The following SRD5A1 variants were observed in gnomAD, a reference collection of about 807,000 sequenced individuals.
The protein encoded by SRD5A1 is steroid 5 alpha-reductase 1.
In SRD5A1, 22 loss-of-function variants were observed where a neutral mutation model predicts 28.2. The observed-to-expected ratio is 0.78, with a 90% CI of 0.56 to 1.12. The LOEUF is 1.12. Ranked by LOEUF, SRD5A1 falls within the 50% of genes most tolerant of loss-of-function variation. The probability of loss-of-function intolerance (pLI) is 0.00; values close to 1 mark genes in which losing one functional copy is unlikely to be tolerated. For missense variants in SRD5A1, 300 were observed against 346.7 expected, an observed-to-expected ratio of 0.87 and a Z score of 1.07; for synonymous variants, 151 against 135.0, an observed-to-expected ratio of 1.12 and a Z score of -0.82.
chr5:6,650,235 C>T (rs1487054627), intron 1 of SRD5A1, among the ~76,000 whole-genome samples: 1 of 151,842 alleles, frequency 6.6e-6, no homozygotes, highest in Non-Finnish European at 1.5e-5. Context: ...TAGAGAGACC[C>T]TGTCTCTACA....
chr5:6,639,170 CT>C (rs1445115304), intron 1 of SRD5A1, among the ~76,000 whole-genome samples: 8 of 152,204 alleles, frequency 5.3e-5, no homozygotes, highest in Non-Finnish European at 1.0e-4. Context: ...AGACATACTT[CT>C]TTAGTTCCCT....
rs1183035154 is a variant in SRD5A1, at chr5:6,665,272, CT to C, written c.713+2308del. 7.9e-5 allele frequency among the ~76,000 whole-genome samples: 12 copies of C among 152,326 alleles called. No individual in the cohort carries two copies. The South Asian group carries it at 2.5e-3, about 32-fold the overall frequency. The stretch of plus-strand genomic sequence containing the variant: ...AGAGGGAGCGTAGCCCTGCTGCCAC[CT>C]TGATTTCCAACTCCTGGCATCCAGA... On this transcript the variant is annotated intron_variant, in intron 4 of 4. Coordinates refer to ENST00000274192, the MANE Select transcript of SRD5A1 (RefSeq NM_001047.4).
At chr5:6,668,130 T>C (rs1235177783) in intron 4 of SRD5A1, 72 bp from the exon 5 acceptor site, 1 of 965,948 alleles carries the variant, frequency 1.0e-6, no homozygotes, top group Non-Finnish European at 1.5e-6. Flanking sequence ...TGAAAAATAT[T>C]GTCACTTTTG....
At position 6,633,801 on chromosome 5, in the gene SRD5A1, C is replaced by T. The variant is rs1435805077; in HGVS notation, c.225C>T (p.Ser75=). ...CGCTCTACCAGTACGCCAGCGAGTC[C>T]GCCCCGCGTCTCCGCAGCGCGCCCA... ...ALPLYQYASE[S]APRLRSAPNC... The change falls in exon 1 of 5, where the codon TCC becomes TCT. Residue 75 remains serine (S), a synonymous_variant. Transcript: ENST00000274192. 2 of 1,597,746 alleles carry T rather than the reference C, an allele frequency of 1.3e-6. No homozygotes were observed. The highest frequency in any genetic ancestry group is 1.7e-6 in the Non-Finnish European group (2 of 1,179,656).
intron 1 of SRD5A1, among the ~76,000 whole-genome samples, chr5:6,635,899 G>A (rs1738169838): frequency 6.6e-6 from 1 of 152,150 alleles, no homozygotes; most frequent in African/African-American, 2.4e-5. Flanking sequence ...TTGAATGATA[G>A]AACTTGAACA....
At chr5:6,634,284 G>A (rs1738103583) in intron 1 of SRD5A1, among the ~76,000 whole-genome samples, 2 of 152,108 alleles carry the variant, frequency 1.3e-5, no homozygotes, top group Admixed American at 1.3e-4. Flanking sequence ...CCGAGATCTC[G>A]CCACTGCCCT....
chr5:6,664,718 A>G (rs953426233), intron 4 of SRD5A1, among the ~76,000 whole-genome samples: 6 of 152,180 alleles, frequency 3.9e-5, no homozygotes, highest in Non-Finnish European at 8.8e-5. Flanking sequence ...TTTGTCTAAT[A>G]CTTGAAGAAG....
chr5:6,663,688 C>T (rs1042596226), intron 4 of SRD5A1, among the ~76,000 whole-genome samples: 4 of 152,002 alleles, frequency 2.6e-5, no homozygotes, highest in African/African-American at 4.8e-5. Flanking sequence ...GGTGAAATCC[C>T]GTCTCTACTA....
intron 3 of SRD5A1, among the ~76,000 whole-genome samples, chr5:6,661,414 A>T (rs936447217): frequency 1.4e-5 from 2 of 145,818 alleles, no homozygotes; most frequent in South Asian, 2.2e-4. Flanking sequence ...AAAAAAAGGT[A>T]GCCAAAAGCC....
chr5:6,662,919 T>C lies in SRD5A1; in HGVS notation c.666T>C (p.Ala222=). 3 of 1,614,178 alleles carry C rather than the reference T, an allele frequency of 1.9e-6. No individual in the cohort carries two copies. Among genetic ancestry groups the C allele is most frequent in the Non-Finnish European group, 2.5e-6 (3 of 1,180,050 alleles). Residue 222 remains alanine, a synonymous_variant, in exon 4 of 5, where the codon GCT becomes GCC. Coordinates refer to ENST00000274192, the MANE Select transcript of SRD5A1 (RefSeq NM_001047.4). ...GGTCTGTCCAAGGCGCGGCTTTTGC[T>C]TTCTTCACGTTTTGTTTTTTATCTG... ...ASWSVQGAAF[A]FFTFCFLSGR... is the part of the protein sequence containing the mutation.
At position 6,662,797 on chromosome 5, in the gene SRD5A1, G is replaced by A. The variant is rs1739048051; in HGVS notation, c.563-19G>A. 1 of 1,609,740 alleles carries A rather than the reference G, an allele frequency of 6.2e-7. No homozygotes were observed. Reference sequence around the variant, plus strand: ...CATTTTGTAGTAAATGCACTACTTTGGTCTGTGTTTTCTTCTAGGAGGCTT... The same window carrying A: ...CATTTTGTAGTAAATGCACTACTTTAGTCTGTGTTTTCTTCTAGGAGGCTT... On this transcript the variant is annotated intron_variant, in intron 3 of 4. Coordinates refer to ENST00000274192, the MANE Select transcript of SRD5A1 (RefSeq NM_001047.4).
chr5:6,651,704 A>G, intron 1 of SRD5A1, 138 bp from the exon 2 acceptor site: 1 of 809,318 alleles, frequency 1.2e-6, no homozygotes. Context: ...CTTAGATATA[A>G]TAAATTAGTA....
chr5:6,639,287 C>T (rs961196710), intron 1 of SRD5A1, among the ~76,000 whole-genome samples: 8 of 152,230 alleles, frequency 5.3e-5, no homozygotes, highest in East Asian at 3.8e-4. Context: ...CTTGCATTTT[C>T]ATCCTCTGGA....
At chr5:6,637,288 A>T (rs1738213956) in intron 1 of SRD5A1, among the ~76,000 whole-genome samples, 1 of 152,006 alleles carries the variant, frequency 6.6e-6, no homozygotes, top group South Asian at 2.1e-4. Flanking sequence ...GCCCCGCTGC[A>T]TTTACCCTGT....
chr5:6,655,940 A>G (rs1178118646), intron 2 of SRD5A1, 138 bp from the exon 3 acceptor site: 1 of 649,120 alleles, frequency 1.5e-6, no homozygotes, highest in Non-Finnish European at 2.7e-6. Flanking sequence ...AATGGTTTTT[A>G]CTACCAGTTA....
chr5:6,633,541 C>G lies in SRD5A1; in HGVS notation c.-36C>G, dbSNP rs1320710183. ...CCGCCCTATATGTTGCCCGCCGCGG[C>G]CTCTGGGGCATGGAGCACGCTGCCC... On this transcript the variant is annotated 5_prime_UTR_variant, in exon 1 of 5. Coordinates refer to ENST00000274192, the MANE Select transcript of SRD5A1 (RefSeq NM_001047.4). 6.9e-7 allele frequency: 1 copy of G among 1,453,574 alleles called. No individual in the cohort carries two copies. The highest frequency in any genetic ancestry group is 2.6e-5 in the Admixed American group (1 of 38,328). The allele number at this position is 1,453,574 out of a possible 1,614,324, so 90.0% of individuals were successfully genotyped here. A position where few individuals can be genotyped will look rare whatever the true frequency, so the allele number is the denominator to read the frequency against.
In SRD5A1 at chr5:6,674,013, C is replaced by T. The variant is rs1221770585; in HGVS notation, c.*5745C>T. Reference sequence around the variant, plus strand: ...GGGCAGTGAAACTATTATTATGATACTTTATGGATATAGAATATTATGCAT... The same window carrying T: ...GGGCAGTGAAACTATTATTATGATATTTTATGGATATAGAATATTATGCAT... On this transcript the variant is annotated 3_prime_UTR_variant, in exon 5 of 5. Transcript: ENST00000274192. 6.6e-6 allele frequency: 1 copy of T among 151,950 alleles called. No homozygotes were observed. The highest frequency in any genetic ancestry group is 2.4e-5 in the African/African-American group (1 of 41,368). 9.4% of individuals were successfully genotyped at this position (151,950 alleles called of 1,614,324 possible). A position where few individuals can be genotyped will look rare whatever the true frequency, so the allele number is the denominator to read the frequency against.
chr5:6,643,270 G>A (rs1327213114), intron 1 of SRD5A1, among the ~76,000 whole-genome samples: 1 of 152,016 alleles, frequency 6.6e-6, no homozygotes, highest in Non-Finnish European at 1.5e-5. Context: ...ACCCAGAGCC[G>A]ACAAAGACTG....
chr5:6,652,033 C>T (rs372370704), intron 2 of SRD5A1, 25 bp downstream of exon 2: 91 of 1,597,518 alleles, frequency 5.7e-5, no homozygotes, highest in South Asian at 1.7e-4. Flanking sequence ...CAGTGAACTC[C>T]GCCTTGTTCA....
Sources: allele counts gnomAD v4.1 joint callset (sites outside exome capture counted in the v4.1 genomes callset), GRCh38; gene constraint gnomAD v4.1.1; transcripts MANE v1.5; gene names NCBI Gene and HGNC (gene_info 2026-07-23, HGNC 2026-07-21).